GNE: variants seen among roughly 807,000 people sequenced by gnomAD.
GNE encodes glucosamine (UDP-N-acetyl)-2-epimerase/N-acetylmannosamine kinase.
Under a neutral mutation model 61.8 loss-of-function variants are expected in GNE, and 41 were observed. That is an observed-to-expected ratio of 0.66 (90% CI 0.52 to 0.86). The LOEUF is 0.86. Ranked by LOEUF, GNE falls within the 40% of genes least tolerant of loss-of-function variation. GNE has a pLI of 0.00. For missense variants in GNE, 608 were observed against 909.1 expected, an observed-to-expected ratio of 0.67 and a Z score of 4.26; for synonymous variants, 264 against 326.4, an observed-to-expected ratio of 0.81 and a Z score of 2.06.
intron 9 of GNE, among the ~76,000 whole-genome samples, chr9:36,222,029 G>T (rs1359872365): frequency 6.6e-6 from 1 of 152,150 alleles, no homozygotes; most frequent in Non-Finnish European, 1.5e-5. Flanking sequence ...TGACCTGCCT[G>T]TCACCTCCCT....
chr9:36,256,591 G>C (rs1219646622), intron 1 of GNE, among the ~76,000 whole-genome samples: 4 of 152,066 alleles, frequency 2.6e-5, no homozygotes, highest in African/African-American at 9.7e-5. Context: ...CTCAACTCAA[G>C]ACCGTCCATT....
intron 4 of GNE, among the ~76,000 whole-genome samples, chr9:36,236,449 C>T (rs1455964776): frequency 6.6e-6 from 1 of 152,168 alleles, no homozygotes; most frequent in Admixed American, 6.5e-5. Context: ...TTCTGCCTGC[C>T]TCGGCCTCCC....
At chr9:36,227,135 T>C (rs1440078392) in intron 7 of GNE, 113 bp downstream of exon 7, 3 of 729,228 alleles carry the variant, frequency 4.1e-6, no homozygotes, top group Admixed American at 2.0e-5. Flanking sequence ...TATCAGCAAA[T>C]GATTACAAGC....
chr9:36,235,190 C>T (rs3780353), intron 4 of GNE, among the ~76,000 whole-genome samples: 114,941 of 152,006 alleles, frequency 0.76, 43,951 homozygotes, highest in Non-Finnish European at 0.8. Flanking sequence ...ATTTCAGATT[C>T]CAGATTTTTT....
At chr9:36,274,846 C>CCG (rs34491914) in intron 1 of GNE, among the ~76,000 whole-genome samples, 113,939 of 151,580 alleles carry the variant, frequency 0.75, 43,315 homozygotes, top group Non-Finnish European at 0.8. Context: ...CCTCAGCCTC[C>CCG]CGCGTAGCTG....
At chr9:36,259,306 A>T (rs1329081571), upstream of GNE, among the ~76,000 whole-genome samples, 1 of 152,220 alleles carries the variant, frequency 6.6e-6, no homozygotes, top group African/African-American at 2.4e-5. Flanking sequence ...TGAGGCCAGG[A>T]GTTCGAGACC....
intron 1 of GNE, among the ~76,000 whole-genome samples, chr9:36,253,650 A>C (rs191788505): frequency 2.8e-4 from 43 of 152,272 alleles, no homozygotes; most frequent in Admixed American, 5.9e-4. Flanking sequence ...AGATATTGGA[A>C]ATATCAAATC....
At chr9:36,274,734 T>C (rs1056081793) in intron 1 of GNE, among the ~76,000 whole-genome samples, 2 of 151,900 alleles carry the variant, frequency 1.3e-5, no homozygotes, top group African/African-American at 2.4e-5. Flanking sequence ...TTTTTTTTTT[T>C]TCTCTTGAGA....
chr9:36,258,638 T>C (rs1414147119), upstream of GNE: 3 of 472,060 alleles, frequency 6.4e-6, no homozygotes, highest in East Asian at 1.5e-4. Flanking sequence ...CCATCTTCCA[T>C]GGCCTCTGCC....
intron 9 of GNE, among the ~76,000 whole-genome samples, chr9:36,222,473 G>C (rs1314243362): frequency 1.3e-5 from 2 of 151,998 alleles, no homozygotes; most frequent in African/African-American, 4.8e-5. Flanking sequence ...TGCTGTCTAG[G>C]GCAAAGGATA....
At chr9:36,249,801 G>A (rs1029594879) in intron 1 of GNE, among the ~76,000 whole-genome samples, 5 of 151,768 alleles carry the variant, frequency 3.3e-5, no homozygotes, top group African/African-American at 4.8e-5. Context: ...GAAGAATGGC[G>A]TGAACCCAGG....
chr9:36,276,784 A>G, intron 1 of GNE: 1 of 821,152 alleles, frequency 1.2e-6, no homozygotes, highest in Non-Finnish European at 2.0e-6. Context: ...TGGATTTGAT[A>G]GATTTAAAAC....
chr9:36,236,969 G>C lies in GNE; in HGVS notation c.632C>G (p.Ser211Cys). ...IRMWLGDDVK[S>C]KDYIVALQHP... ...CTGTAGTGCAACAATGTAATCTTTAGATTTTACATCATCACCTGTTTAAAG... is the reference window on the plus strand; with the variant it reads ...CTGTAGTGCAACAATGTAATCTTTACATTTTACATCATCACCTGTTTAAAG... The change falls in exon 4 of 12, where the codon TCT (serine) becomes TGT (cysteine). Residue 211 changes from serine to cysteine, a missense_variant. By Grantham distance (112) the Ser-to-Cys change is moderately radical (BLOSUM62 -1). Coordinates refer to ENST00000642385, the MANE Select transcript of GNE (RefSeq NM_005476.7). 6.2e-7 allele frequency: 1 copy of C among 1,610,352 alleles called. No individual in the cohort carries two copies. Among genetic ancestry groups the C allele is most frequent in the South Asian group, 1.1e-5 (1 of 91,018 alleles).
intron 5 of GNE, among the ~76,000 whole-genome samples, chr9:36,233,489 AC>A (rs1347360863): frequency 6.6e-6 from 1 of 152,170 alleles, no homozygotes; most frequent in East Asian, 1.9e-4. Context: ...ACAAAGTGAA[AC>A]CCCGTCTCTA....
chr9:36,239,052 T>C (rs1407392018), intron 3 of GNE, among the ~76,000 whole-genome samples: 1 of 152,130 alleles, frequency 6.6e-6, no homozygotes, highest in Non-Finnish European at 1.5e-5. Context: ...AGTATTTGGG[T>C]TTATTTCTGG....
At chr9:36,271,362 C>G (rs764411192) in intron 1 of GNE, among the ~76,000 whole-genome samples, 1 of 152,174 alleles carries the variant, frequency 6.6e-6, no homozygotes, top group African/African-American at 2.4e-5. Flanking sequence ...TGTCTTTACT[C>G]ATCTCAAACT....
intron 7 of GNE, among the ~76,000 whole-genome samples, chr9:36,226,858 A>C (rs1195391655): frequency 6.6e-6 from 1 of 152,232 alleles, no homozygotes; most frequent in Non-Finnish European, 1.5e-5. Context: ...ACAACTGATC[A>C]CATTCTAGAG....
At chr9:36,255,911 G>A (rs568905909) in intron 1 of GNE, among the ~76,000 whole-genome samples, 1 of 152,100 alleles carries the variant, frequency 6.6e-6, no homozygotes, top group Non-Finnish European at 1.5e-5. Context: ...GGCAATCGCT[G>A]AAAAACCCAA....
chr9:36,275,462 T>G (rs1204924863), intron 1 of GNE, among the ~76,000 whole-genome samples: 2 of 152,178 alleles, frequency 1.3e-5, no homozygotes, highest in Non-Finnish European at 2.9e-5. Flanking sequence ...ATTGAATTAT[T>G]AAGTGGCAGA....
Sources: allele counts gnomAD v4.1 joint callset (sites outside exome capture counted in the v4.1 genomes callset), GRCh38; gene constraint gnomAD v4.1.1; transcripts MANE v1.5; gene names NCBI Gene and HGNC (gene_info 2026-07-23, HGNC 2026-07-21).